The following TTC28 variants were observed in gnomAD, a reference collection of about 807,000 sequenced individuals.
The protein encoded by TTC28 is tetratricopeptide repeat domain 28, also known as tetratricopeptide repeat protein 28.
Under a neutral mutation model 198.0 loss-of-function variants are expected in TTC28, and 61 were observed. The observed-to-expected ratio is 0.31, with a 90% CI of 0.25 to 0.38. The LOEUF (loss-of-function observed/expected upper bound fraction) is 0.38, where lower values mean the gene tolerates loss of function less well. Ranked by LOEUF, TTC28 falls within the 10% of genes least tolerant of loss-of-function variation. The pLI, the probability that TTC28 is intolerant of heterozygous loss-of-function variation, is 1.00. For synonymous variants in TTC28, 1,171 were observed against 1,297.8 expected, an observed-to-expected ratio of 0.90 and a Z score of 2.10; for missense variants, 2,678 against 3,164.0, an observed-to-expected ratio of 0.85 and a Z score of 3.69.
intron 7 of TTC28, among the ~76,000 whole-genome samples, chr22:28,106,072 T>C (rs1942290487): frequency 1.3e-5 from 2 of 152,168 alleles, no homozygotes; most frequent in Admixed American, 6.5e-5. Context: ...TAAAATATAT[T>C]AATAGGCACA....
intron 2 of TTC28, among the ~76,000 whole-genome samples, chr22:28,324,153 C>T (rs1053914057): frequency 2.6e-5 from 4 of 151,950 alleles, no homozygotes; most frequent in Non-Finnish European, 5.9e-5. Context: ...CATTGATGAG[C>T]AATAAAAAAT....
chr22:28,460,252 G>C lies in TTC28; in HGVS notation c.382-153609C>G, dbSNP rs192513745. Among the ~76,000 whole-genome samples the C allele has an allele frequency of 2.8e-4, 43 of 152,152 alleles. 1 individual carries two copies. Among genetic ancestry groups the C allele is most frequent in the African/African-American group, 9.9e-4 (41 of 41,518 alleles). On this transcript the variant is annotated intron_variant, in intron 2 of 22. Transcript: ENST00000397906. ...TTTTGAGTCCAGAGATAAAGTCGTGGGTAAAGGTTGATTGTGGTGGGATGC... is the reference window on the plus strand; with the variant it reads ...TTTTGAGTCCAGAGATAAAGTCGTGCGTAAAGGTTGATTGTGGTGGGATGC...
intron 2 of TTC28, among the ~76,000 whole-genome samples, chr22:28,591,352 T>C (rs1212557782): frequency 6.6e-6 from 1 of 151,898 alleles, no homozygotes; most frequent in African/African-American, 2.4e-5. Flanking sequence ...TTATAAGAAG[T>C]ATACAATTTT....
chr22:28,470,287 T>C (rs376626300), intron 2 of TTC28, among the ~76,000 whole-genome samples: 59 of 152,312 alleles, frequency 3.9e-4, no homozygotes, highest in African/African-American at 1.4e-3. Flanking sequence ...TCCTAACTAC[T>C]TTCTATTTCA....
At chr22:28,110,116 T>C (rs1340163770) in intron 6 of TTC28, among the ~76,000 whole-genome samples, 2 of 152,266 alleles carry the variant, frequency 1.3e-5, no homozygotes, top group Middle Eastern at 3.4e-3. Flanking sequence ...GCAGACAGTA[T>C]GCATGATCAA....
At chr22:28,138,503 A>T (rs1006485110) in intron 6 of TTC28, among the ~76,000 whole-genome samples, 14 of 152,260 alleles carry the variant, frequency 9.2e-5, no homozygotes, top group African/African-American at 3.4e-4. Context: ...TCTACCCAGT[A>T]TCACCATCAA....
rs557267780 is a variant in TTC28, at chr22:28,617,176, T to C, written c.381+12376A>G. On this transcript the variant is annotated intron_variant, in intron 2 of 22. Transcript: ENST00000397906. ...AATTCCAAAACAGAAAGATAAAGGA[T>C]AAAAAGGTAAATTAAAGTAGATATA... is the stretch of plus-strand genomic sequence containing the variant. Among the ~76,000 whole-genome samples the C allele has an allele frequency of 1.1e-4, 17 of 151,688 alleles. 1 individual carries two copies. The highest frequency in any genetic ancestry group is 3.9e-4 in the African/African-American group (16 of 41,348).
intron 2 of TTC28, among the ~76,000 whole-genome samples, chr22:28,343,086 C>T (rs763392955): frequency 1.3e-5 from 2 of 152,000 alleles, no homozygotes; most frequent in African/African-American, 2.4e-5. Flanking sequence ...ACCTTATGAA[C>T]AATGCATACA....
chr22:28,246,867 G>A (rs184442222), intron 5 of TTC28, among the ~76,000 whole-genome samples: 91 of 152,176 alleles, frequency 6.0e-4, no homozygotes, highest in African/African-American at 2.1e-3. Context: ...AATAAGAGAT[G>A]GGGATGTGCT....
At chr22:28,275,414 A>G (rs1390722757) in intron 5 of TTC28, among the ~76,000 whole-genome samples, 2 of 152,170 alleles carry the variant, frequency 1.3e-5, no homozygotes, top group African/African-American at 4.8e-5. Context: ...TTCTTACAGG[A>G]TCTCATATGC....
intron 6 of TTC28, among the ~76,000 whole-genome samples, chr22:28,125,660 C>T (rs924138723): frequency 6.6e-6 from 1 of 152,198 alleles, no homozygotes; most frequent in African/African-American, 2.4e-5. Flanking sequence ...TGATGTGCTT[C>T]TTATAGGCAG....
At chr22:28,001,140 A>C (rs569112319) in intron 15 of TTC28, 1 of 502,356 alleles carries the variant, frequency 2.0e-6, no homozygotes, top group East Asian at 3.2e-5. Context: ...CTTAGACATG[A>C]CACAAACTGT....
chr22:28,230,890 G>A (rs1246476326), intron 5 of TTC28, among the ~76,000 whole-genome samples: 2 of 152,188 alleles, frequency 1.3e-5, no homozygotes, highest in Admixed American at 6.5e-5. Flanking sequence ...TTCTGTGTGT[G>A]AGGTTTTGGC....
At chr22:28,458,829 C>T (rs2047904497) in intron 2 of TTC28, among the ~76,000 whole-genome samples, 1 of 148,104 alleles carries the variant, frequency 6.8e-6, no homozygotes, top group African/African-American at 2.5e-5. Context: ...TTCAGTGAGC[C>T]AAGATCATGT....
chr22:28,205,258 C>T (rs181975987), intron 5 of TTC28, among the ~76,000 whole-genome samples: 1 of 152,078 alleles, frequency 6.6e-6, no homozygotes, highest in East Asian at 1.9e-4. Context: ...GAAATGACTC[C>T]ATTCAACCTC....
Position 28,099,037 on chromosome 22 carries a change from C to T in TTC28, c.3425G>A (p.Arg1142Lys). 6.4e-7 allele frequency: 1 copy of T among 1,551,986 alleles called. No individual in the cohort carries two copies. Among genetic ancestry groups the T allele is most frequent in the East Asian group, 2.4e-5 (1 of 40,918 alleles). The change falls in exon 10 of 23, where the codon AGG (arginine) becomes AAG (lysine). Residue 1142 changes from arginine to lysine, a missense_variant. Arg to Lys is a conservative substitution (Grantham distance 26). Coordinates refer to ENST00000397906, the MANE Select transcript of TTC28 (RefSeq NM_001145418.2). Reference protein sequence around the residue: ...NLEEAQHQLYRASALFETIRH... With the variant: ...NLEEAQHQLYKASALFETIRH... ...GATTGTTTCAAACAAGGCTGATGCC[C>T]TATAAAGCTGCAAGGAGGGAGGAAG...
At chr22:28,465,518 C>G (rs1037977297) in intron 2 of TTC28, among the ~76,000 whole-genome samples, 2 of 151,678 alleles carry the variant, frequency 1.3e-5, no homozygotes, top group African/African-American at 4.8e-5. Context: ...CAGCTACTCA[C>G]GAGGCTGAAG....
At chr22:28,430,475 T>C (rs1379523886) in intron 2 of TTC28, among the ~76,000 whole-genome samples, 1 of 152,122 alleles carries the variant, frequency 6.6e-6, no homozygotes, top group Non-Finnish European at 1.5e-5. Flanking sequence ...GAATTCCAAA[T>C]ACAGGAGAGT....
At chr22:28,106,282 A>G (rs367675548) in intron 7 of TTC28, among the ~76,000 whole-genome samples, 1 of 152,156 alleles carries the variant, frequency 6.6e-6, no homozygotes, top group South Asian at 2.1e-4. Context: ...TGGTGGGGCC[A>G]TATATCCTGC....
Sources: gnomAD v4.1 joint callset for allele counts (sites outside exome capture counted in the v4.1 genomes callset) on GRCh38, gnomAD v4.1.1 for gene constraint, MANE v1.5 for transcripts, NCBI Gene and HGNC (gene_info 2026-07-23, HGNC 2026-07-21) for gene names.